SDCCAG8: variants seen among roughly 807,000 people sequenced by gnomAD.
SDCCAG8 encodes SHH signaling and ciliogenesis regulator SDCCAG8, also known as serologically defined colon cancer antigen 8.
Under a neutral mutation model 101.8 loss-of-function variants are expected in SDCCAG8, and 74 were observed. The ratio of observed to expected loss-of-function variants is 0.73; its 90% CI spans 0.60 to 0.88. SDCCAG8 has a LOEUF of 0.88. Ranked by LOEUF, SDCCAG8 falls within the 40% of genes least tolerant of loss-of-function variation. The pLI is 0.00. For missense variants in SDCCAG8, 787 were observed against 822.6 expected, an observed-to-expected ratio of 0.96 and a Z score of 0.53; for synonymous variants, 281 against 292.9, an observed-to-expected ratio of 0.96 and a Z score of 0.41.
intron 9 of SDCCAG8, among the ~76,000 whole-genome samples, chr1:243,325,055 A>G (rs1039232118): frequency 6.6e-6 from 1 of 152,056 alleles, no homozygotes; most frequent in Non-Finnish European, 1.5e-5. Flanking sequence ...ATTCCTGTTG[A>G]TGTGGTGTAT....
chr1:243,341,203 A>G, intron 11 of SDCCAG8, 30 bp downstream of exon 11: 1 of 1,610,982 alleles, frequency 6.2e-7, no homozygotes. Context: ...TGTAATCGTT[A>G]CTTAAGGAAA....
At chr1:243,407,927 A>G (rs2079896918) in intron 13 of SDCCAG8, among the ~76,000 whole-genome samples, 3 of 152,194 alleles carry the variant, frequency 2.0e-5, no homozygotes, top group South Asian at 2.1e-4. Flanking sequence ...CAGTAGTTCC[A>G]CATTTGCTCA....
intron 16 of SDCCAG8, among the ~76,000 whole-genome samples, chr1:243,441,438 C>T (rs185707002): frequency 3.9e-5 from 6 of 152,246 alleles, no homozygotes; most frequent in South Asian, 2.1e-4. Context: ...TCTCTTTTCA[C>T]GGTCCTGTTG....
At chr1:243,382,243 TG>T (rs2078003893) in intron 13 of SDCCAG8, among the ~76,000 whole-genome samples, 1 of 152,164 alleles carries the variant, frequency 6.6e-6, no homozygotes, top group African/African-American at 2.4e-5. Context: ...ATTGACTTTC[TG>T]GGTTGGGAGC....
chr1:243,378,446 ACT>A (rs1404194850), intron 12 of SDCCAG8, among the ~76,000 whole-genome samples: 1 of 152,038 alleles, frequency 6.6e-6, no homozygotes, highest in African/African-American at 2.4e-5. Flanking sequence ...AAAGGGAACG[ACT>A]CTTAGAATGA....
At chr1:243,421,375 T>G (rs947496656) in intron 15 of SDCCAG8, among the ~76,000 whole-genome samples, 3 of 152,314 alleles carry the variant, frequency 2.0e-5, no homozygotes, top group African/African-American at 7.2e-5. Flanking sequence ...ACGTACGCCC[T>G]TACTCTCTGC....
At chr1:243,325,735 C>G (rs2074099306) in intron 9 of SDCCAG8, among the ~76,000 whole-genome samples, 1 of 152,134 alleles carries the variant, frequency 6.6e-6, no homozygotes, top group South Asian at 2.1e-4. Flanking sequence ...GTACCAGTTT[C>G]TTCAATTGAG....
At chr1:243,287,414 GTT>G (rs201478217) in intron 5 of SDCCAG8, among the ~76,000 whole-genome samples, 4 of 141,670 alleles carry the variant, frequency 2.8e-5, no homozygotes, top group African/African-American at 5.2e-5. Context: ...CGTTTTTGAA[GTT>G]TTTTTTTTTT....
At chr1:243,402,570 T>C (rs2079481366) in intron 13 of SDCCAG8, among the ~76,000 whole-genome samples, 2 of 152,170 alleles carry the variant, frequency 1.3e-5, no homozygotes, top group Non-Finnish European at 2.9e-5. Flanking sequence ...CCCCTTTGTG[T>C]ATTTTGCACT....
intron 6 of SDCCAG8, among the ~76,000 whole-genome samples, chr1:243,296,559 T>TTTC (rs2070912942): frequency 6.9e-6 from 1 of 143,916 alleles, no homozygotes; most frequent in Non-Finnish European, 1.5e-5. Flanking sequence ...TTTTTTTTTT[T>TTTC]TGAGACGGAG....
chr1:243,320,011 C>G (rs1181546230), intron 9 of SDCCAG8, among the ~76,000 whole-genome samples: 1 of 152,072 alleles, frequency 6.6e-6, no homozygotes, highest in African/African-American at 2.4e-5. Context: ...GTCTTCTTTT[C>G]TTCCCATTTA....
At chr1:243,399,879 A>G (rs987957153) in intron 13 of SDCCAG8, among the ~76,000 whole-genome samples, 1 of 152,170 alleles carries the variant, frequency 6.6e-6, no homozygotes, top group African/African-American at 2.4e-5. Context: ...TTACCCTGTA[A>G]TAGGCATATT....
intron 4 of SDCCAG8, among the ~76,000 whole-genome samples, chr1:243,277,748 T>C (rs2068697029): frequency 6.6e-6 from 1 of 152,198 alleles, no homozygotes; most frequent in African/African-American, 2.4e-5. Flanking sequence ...TATTTTCTCC[T>C]TTCTTCTTCT....
chr1:243,319,247 T>C lies in SDCCAG8; in HGVS notation c.1068+2354T>C, dbSNP rs557348021. On this transcript the variant is annotated intron_variant, in intron 9 of 17. Coordinates refer to ENST00000366541, the MANE Select transcript of SDCCAG8 (RefSeq NM_006642.5). ...AAGTCACATTTCAACATGAGAGATTTGGAGAGGACAGGTATCCAAACCATA... is the reference window on the plus strand; with the variant it reads ...AAGTCACATTTCAACATGAGAGATTCGGAGAGGACAGGTATCCAAACCATA... Among the ~76,000 whole-genome samples, 7 of 152,312 alleles carry C rather than the reference T, an allele frequency of 4.6e-5. No homozygotes were observed. The East Asian group carries it at 1.3e-3, about 29-fold the overall frequency.
At chr1:243,316,156 G>C (rs897059423) in intron 8 of SDCCAG8, among the ~76,000 whole-genome samples, 3 of 152,198 alleles carry the variant, frequency 2.0e-5, no homozygotes, top group African/African-American at 7.2e-5. Context: ...GGATAAGATT[G>C]TGTTAAATTG....
intron 4 of SDCCAG8, among the ~76,000 whole-genome samples, chr1:243,281,945 C>A (rs985562078): frequency 6.6e-6 from 1 of 152,054 alleles, no homozygotes; most frequent in South Asian, 2.1e-4. Flanking sequence ...CTGCACCTGT[C>A]CCTTTTGTGG....
intron 10 of SDCCAG8, among the ~76,000 whole-genome samples, chr1:243,335,093 G>T (rs1331651872): frequency 2.6e-5 from 4 of 152,180 alleles, no homozygotes; most frequent in Non-Finnish European, 4.4e-5. Flanking sequence ...TTAGATGAAT[G>T]AAGGAATGAA....
At chr1:243,314,695 A>G (rs957538863) in intron 8 of SDCCAG8, among the ~76,000 whole-genome samples, 3 of 152,290 alleles carry the variant, frequency 2.0e-5, no homozygotes, top group Admixed American at 6.5e-5. Flanking sequence ...TTGCATACTT[A>G]TAAACACTGA....
intron 13 of SDCCAG8, among the ~76,000 whole-genome samples, chr1:243,412,477 A>C (rs1251658374): frequency 1.3e-5 from 2 of 152,256 alleles, no homozygotes; most frequent in African/African-American, 4.8e-5. Flanking sequence ...GGCCGCAAGC[A>C]GAGTAAGCTG....
Sources: allele counts gnomAD v4.1 joint callset (sites outside exome capture counted in the v4.1 genomes callset), GRCh38; gene constraint gnomAD v4.1.1; transcripts MANE v1.5; gene names NCBI Gene and HGNC (gene_info 2026-07-23, HGNC 2026-07-21).